ST6GALNAC3: variants seen among roughly 807,000 people sequenced by gnomAD.
ST6GALNAC3 encodes alpha-N-acetylgalactosaminide alpha-2,6-sialyltransferase 3.
ST6GALNAC3 carries 25 observed loss-of-function variants against 32.7 expected under a neutral mutation model. That is an observed-to-expected ratio of 0.76 (90% CI 0.56 to 1.07). The LOEUF (loss-of-function observed/expected upper bound fraction) is 1.07, where lower values mean the gene tolerates loss of function less well. Among genes scored for constraint, ST6GALNAC3 ranks in the 50% least tolerant of loss-of-function variants. The pLI is 0.00. For synonymous variants in ST6GALNAC3, 129 were observed against 133.1 expected, an observed-to-expected ratio of 0.97 and a Z score of 0.21; for missense variants, 355 against 382.4, an observed-to-expected ratio of 0.93 and a Z score of 0.60.
intron 1 of ST6GALNAC3, among the ~76,000 whole-genome samples, chr1:76,174,776 C>T (rs888664002): frequency 1.3e-5 from 2 of 151,534 alleles, no homozygotes; most frequent in African/African-American, 4.9e-5. Context: ...AAGCGATTCT[C>T]CTGCCTCAGC....
At chr1:76,252,087 A>G (rs1657650767) in intron 1 of ST6GALNAC3, among the ~76,000 whole-genome samples, 1 of 152,122 alleles carries the variant, frequency 6.6e-6, no homozygotes, top group African/African-American at 2.4e-5. Flanking sequence ...GGTGGGAAAA[A>G]AACCAGAAAA....
At chr1:76,252,835 G>A (rs545908743) in intron 1 of ST6GALNAC3, among the ~76,000 whole-genome samples, 1 of 152,272 alleles carries the variant, frequency 6.6e-6, no homozygotes, top group East Asian at 1.9e-4. Flanking sequence ...GGTTTGTCGA[G>A]TGGAGAATCA....
At chr1:76,191,384 G>A (rs1351623609) in intron 1 of ST6GALNAC3, among the ~76,000 whole-genome samples, 1 of 152,132 alleles carries the variant, frequency 6.6e-6, no homozygotes, top group African/African-American at 2.4e-5. Flanking sequence ...TATGGGAGGC[G>A]AGGAGGATGG....
chr1:76,219,874 G>A (rs185111794), intron 1 of ST6GALNAC3, among the ~76,000 whole-genome samples: 221 of 152,256 alleles, frequency 1.5e-3, no homozygotes, highest in African/African-American at 4.2e-3. Flanking sequence ...TTCTAGACCC[G>A]AGGGGAGCGG....
chr1:76,499,107 T>G lies in ST6GALNAC3; in HGVS notation c.623+86690T>G, dbSNP rs893841170. Reference sequence around the variant, plus strand: ...ATAGGCAAAGAAGGAAACATGCAATTAGTCAATGACCATGAAAAGATGCTT... The same window carrying G: ...ATAGGCAAAGAAGGAAACATGCAATGAGTCAATGACCATGAAAAGATGCTT... On this transcript the variant is annotated intron_variant, in intron 3 of 4. Transcript: ENST00000328299. Among the ~76,000 whole-genome samples, 15 of 152,260 alleles carry G rather than the reference T, an allele frequency of 9.9e-5. No homozygotes were observed. In the East Asian group the frequency reaches 1.9e-3, roughly 20 times the overall value.
chr1:76,297,572 GT>G (rs1660478243), intron 1 of ST6GALNAC3, among the ~76,000 whole-genome samples: 1 of 151,996 alleles, frequency 6.6e-6, no homozygotes. Context: ...GGTGCGCCTG[GT>G]TTGAATCTTG....
chr1:76,455,787 G>A (rs540360676), intron 3 of ST6GALNAC3, among the ~76,000 whole-genome samples: 7 of 152,250 alleles, frequency 4.6e-5, no homozygotes, highest in African/African-American at 1.7e-4. Context: ...TGGACTCTTA[G>A]TCTGACTTAC....
At chr1:76,299,732 T>C (rs534714598) in intron 1 of ST6GALNAC3, among the ~76,000 whole-genome samples, 1 of 152,068 alleles carries the variant, frequency 6.6e-6, no homozygotes, top group African/African-American at 2.4e-5. Flanking sequence ...ACTAACTTCA[T>C]ATATATATTT....
intron 1 of ST6GALNAC3, among the ~76,000 whole-genome samples, chr1:76,198,829 T>G (rs529005571): frequency 6.6e-6 from 1 of 152,266 alleles, no homozygotes; most frequent in South Asian, 2.1e-4. Flanking sequence ...TTTCTGGAAC[T>G]TAGGAGACAG....
At chr1:76,516,188 G>A (rs1210031990) in intron 3 of ST6GALNAC3, among the ~76,000 whole-genome samples, 1 of 152,168 alleles carries the variant, frequency 6.6e-6, no homozygotes, top group East Asian at 1.9e-4. Flanking sequence ...TGTTGTGCTG[G>A]AAATGGGTAT....
intron 1 of ST6GALNAC3, among the ~76,000 whole-genome samples, chr1:76,102,677 C>A (rs176531): frequency 6.6e-6 from 1 of 152,080 alleles, no homozygotes; most frequent in Non-Finnish European, 1.5e-5. Flanking sequence ...CTCTTGACTT[C>A]TGTGTCATTG....
chr1:76,536,808 C>G (rs1162566613), intron 3 of ST6GALNAC3, among the ~76,000 whole-genome samples: 2 of 151,934 alleles, frequency 1.3e-5, no homozygotes, highest in East Asian at 3.9e-4. Flanking sequence ...ATATATGCAC[C>G]CAATAGAGGA....
At chr1:76,137,931 T>A (rs1342894761) in intron 1 of ST6GALNAC3, among the ~76,000 whole-genome samples, 1 of 152,224 alleles carries the variant, frequency 6.6e-6, no homozygotes, top group Non-Finnish European at 1.5e-5. Context: ...ATAGCTCAAG[T>A]GACTTGGAAA....
chr1:76,450,954 TTATAG>T (rs1454446641), intron 3 of ST6GALNAC3, among the ~76,000 whole-genome samples: 1 of 152,088 alleles, frequency 6.6e-6, no homozygotes, highest in Non-Finnish European at 1.5e-5. Context: ...GACTATGGCC[TTATAG>T]TATAGTTTGA....
At chr1:76,155,030 A>T (rs556591324) in intron 1 of ST6GALNAC3, among the ~76,000 whole-genome samples, 14 of 151,160 alleles carry the variant, frequency 9.3e-5, no homozygotes, top group African/African-American at 3.2e-4. Flanking sequence ...TTTATTTTTT[A>T]TTTTTTTTGC....
chr1:76,423,817 T>C (rs958392696), intron 3 of ST6GALNAC3, among the ~76,000 whole-genome samples: 2 of 151,944 alleles, frequency 1.3e-5, no homozygotes, highest in African/African-American at 4.8e-5. Context: ...TCTTGAACTT[T>C]TGTTGATTGG....
intron 3 of ST6GALNAC3, among the ~76,000 whole-genome samples, chr1:76,583,650 G>C (rs554891730): frequency 6.6e-6 from 1 of 152,140 alleles, no homozygotes; most frequent in South Asian, 2.1e-4. Flanking sequence ...GCCTGCCGCT[G>C]TATAATGCCA....
chr1:76,411,999 A>G lies in ST6GALNAC3; in HGVS notation c.214-9A>G, dbSNP rs1204196303. The G allele has an allele frequency of 1.2e-6, 2 of 1,604,848 alleles. No individual in the cohort carries two copies. Among genetic ancestry groups the G allele is most frequent in the Admixed American group, 1.7e-5 (1 of 59,002 alleles). ...ACTAATTTACATGCCTTCTTTCTCTATTTTTCAGCCTTTGCAACTGGACTG... is the reference window on the plus strand; with the variant it reads ...ACTAATTTACATGCCTTCTTTCTCTGTTTTTCAGCCTTTGCAACTGGACTG... On this transcript the variant is annotated splice_polypyrimidine_tract_variant and intron_variant, in intron 2 of 4. Transcript: ENST00000328299.
downstream of ST6GALNAC3, among the ~76,000 whole-genome samples, chr1:76,635,037 A>C (rs2100750105): frequency 6.6e-6 from 1 of 152,286 alleles, no homozygotes; most frequent in East Asian, 1.9e-4. Context: ...AACAAGAGAA[A>C]ATGTTGGTCT....
Sources: allele counts gnomAD v4.1 joint callset (sites outside exome capture counted in the v4.1 genomes callset), GRCh38; gene constraint gnomAD v4.1.1; transcripts MANE v1.5; gene names NCBI Gene and HGNC (gene_info 2026-07-23, HGNC 2026-07-21).